Variants in AFF1 observed in about 807,000 individuals in gnomAD.
AFF1 encodes AF4/FMR2 family member 1.
Under a neutral mutation model 121.7 loss-of-function variants are expected in AFF1, and 48 were observed. The ratio of observed to expected loss-of-function variants is 0.39; its 90% CI spans 0.31 to 0.50. The LOEUF is 0.50. Among genes scored for constraint, AFF1 ranks in the 20% least tolerant of loss-of-function variants. The pLI is 0.76. For missense variants in AFF1, 1,523 were observed against 1,511.7 expected (o/e 1.01, Z -0.12); for synonymous variants, 613 against 563.0 (o/e 1.09, Z -1.26).
chr4:86,991,177 G>A (rs1162752696), intron 2 of AFF1, among the ~76,000 whole-genome samples: 3 of 152,098 alleles, frequency 2.0e-5, no homozygotes, highest in African/African-American at 7.2e-5. Flanking sequence ...CGGCGCAGTG[G>A]CTCACGCCTG....
At chr4:87,003,606 T>A (rs925049039) in intron 2 of AFF1, among the ~76,000 whole-genome samples, 1 of 152,240 alleles carries the variant, frequency 6.6e-6, no homozygotes, top group Non-Finnish European at 1.5e-5. Context: ...TCAAAAAGTA[T>A]AATTTTAATA....
intron 1 of AFF1, among the ~76,000 whole-genome samples, chr4:86,937,590 A>G (rs1720114688): frequency 6.6e-6 from 1 of 152,134 alleles, no homozygotes; most frequent in Admixed American, 6.5e-5. Context: ...AAGTCACTTT[A>G]TTTATTTTTG....
intron 13 of AFF1, 54 bp from the exon 14 acceptor site, chr4:87,126,045 G>A (rs1728206954): frequency 1.3e-6 from 2 of 1,545,360 alleles, no homozygotes; most frequent in Admixed American, 3.4e-5. Context: ...AAACAACGAA[G>A]CCGCTTGATG....
At chr4:87,044,080 T>G (rs974565177) in intron 2 of AFF1, among the ~76,000 whole-genome samples, 2 of 152,202 alleles carry the variant, frequency 1.3e-5, no homozygotes, top group Non-Finnish European at 2.9e-5. Flanking sequence ...CCTCCCAAAG[T>G]GCTGGGATTA....
chr4:87,102,725 G>A (rs1274566643), intron 8 of AFF1, among the ~76,000 whole-genome samples: 1 of 152,094 alleles, frequency 6.6e-6, no homozygotes, highest in African/African-American at 2.4e-5. Flanking sequence ...AAATTTATAG[G>A]TGAGAAAGAA....
intron 2 of AFF1, among the ~76,000 whole-genome samples, chr4:86,963,962 G>GTT (rs1651994779): frequency 1.0e-5 from 1 of 97,570 alleles, no homozygotes; most frequent in African/African-American, 4.8e-5. Flanking sequence ...TGACTAGACT[G>GTT]GTTTTTTTTT....
intron 13 of AFF1, 112 bp downstream of exon 13, chr4:87,125,255 A>G (rs1728120807): frequency 1.8e-5 from 12 of 674,978 alleles, no homozygotes; most frequent in East Asian, 2.9e-5. Flanking sequence ...AATAAACTCA[A>G]GCTCATTTGG....
chr4:87,137,892 T>G lies in AFF1; in HGVS notation c.*2191T>G. On this transcript the variant is annotated 3_prime_UTR_variant, in exon 21 of 21. Transcript: ENST00000395146. ...AAGGGTTGTGTTCTTTATGGCAGGT[T>G]CTATGCAGATTGTGCCAGAGCATGT... 1 of 232,100 alleles carries G rather than the reference T, an allele frequency of 4.3e-6. No individual in the cohort carries two copies. The highest frequency in any genetic ancestry group is 8.5e-6 in the Non-Finnish European group (1 of 117,308). The allele number at this position is 232,100 out of a possible 1,614,324, so 14.4% of individuals were successfully genotyped here. A position where few individuals can be genotyped will look rare whatever the true frequency, so the allele number is the denominator to read the frequency against.
Position 87,132,328 on chromosome 4 carries a change from A to G in AFF1, c.3231A>G (p.Ala1077=). The G allele has an allele frequency of 1.9e-6, 3 of 1,613,546 alleles. No individual in the cohort carries two copies. Among genetic ancestry groups the G allele is most frequent in the Non-Finnish European group, 2.5e-6 (3 of 1,179,862 alleles). The part of the protein sequence containing the change: ...MAMFRCKKDI[A]IKYSRTLNKH... ...TGTTTCGTTGTAAAAAAGACATAGC[A>G]ATAAAGTATTCTCGTACTCTTAATA... Residue 1077 remains alanine (A), a synonymous_variant, in exon 19 of 21, where the codon GCA becomes GCG. Coordinates refer to ENST00000395146, the MANE Select transcript of AFF1 (RefSeq NM_001166693.3).
intron 2 of AFF1, among the ~76,000 whole-genome samples, chr4:86,980,947 A>AACCCC (rs1723691095): frequency 9.8e-6 from 1 of 102,400 alleles, no homozygotes; most frequent in African/African-American, 3.5e-5. Flanking sequence ...GGCTTGAGGC[A>AACCCC]CCCCCCCCCT....
At chr4:87,118,198 G>A (rs891784687) in intron 12 of AFF1, among the ~76,000 whole-genome samples, 1 of 152,218 alleles carries the variant, frequency 6.6e-6, no homozygotes, top group African/African-American at 2.4e-5. Context: ...AAGATTTACA[G>A]ATCCTTGAAT....
intron 4 of AFF1, among the ~76,000 whole-genome samples, chr4:87,075,410 T>C (rs1222006126): frequency 6.6e-6 from 1 of 151,824 alleles, no homozygotes; most frequent in Non-Finnish European, 1.5e-5. Flanking sequence ...ATATATCTCC[T>C]ATCTACACGA....
intron 2 of AFF1, among the ~76,000 whole-genome samples, chr4:87,034,748 T>C (rs1372555915): frequency 6.6e-6 from 1 of 152,180 alleles, no homozygotes; most frequent in Non-Finnish European, 1.5e-5. Context: ...TCAGCCTGCC[T>C]TCTAGGTTTG....
intron 4 of AFF1, among the ~76,000 whole-genome samples, chr4:87,077,355 A>G (rs1352419259): frequency 6.6e-6 from 1 of 152,198 alleles, no homozygotes; most frequent in Non-Finnish European, 1.5e-5. Context: ...CAGAGCACCA[A>G]GGTGTAAGCT....
intron 4 of AFF1, among the ~76,000 whole-genome samples, chr4:87,063,227 TC>T (rs1720962323): frequency 8.2e-6 from 1 of 122,564 alleles, no homozygotes; most frequent in Non-Finnish European, 1.7e-5. Flanking sequence ...TAGATTCACC[TC>T]TTTTTTTTTT....
intron 3 of AFF1, 125 bp from the exon 4 acceptor site, chr4:87,046,570 C>T: frequency 9.2e-7 from 1 of 1,083,652 alleles, no homozygotes; most frequent in Non-Finnish European, 1.3e-6. Flanking sequence ...TAAAATGGCA[C>T]ATTAAATTCT....
At chr4:87,133,329 A>T (rs1244114470) in intron 19 of AFF1, among the ~76,000 whole-genome samples, 1 of 151,958 alleles carries the variant, frequency 6.6e-6, no homozygotes, top group Non-Finnish European at 1.5e-5. Context: ...ATTTGGTCAT[A>T]CTCCTTGTGA....
At chr4:87,004,516 T>C (rs1725948320) in intron 2 of AFF1, among the ~76,000 whole-genome samples, 1 of 152,222 alleles carries the variant, frequency 6.6e-6, no homozygotes, top group Non-Finnish European at 1.5e-5. Flanking sequence ...CAAATCTCTT[T>C]ACTGTCTGGC....
chr4:87,032,085 C>T lies in AFF1; in HGVS notation c.39-14081C>T, dbSNP rs1169899577. Among the ~76,000 whole-genome samples the T allele has an allele frequency of 2.0e-5, 3 of 152,286 alleles. No individual in the cohort carries two copies. In the East Asian group the frequency reaches 5.8e-4, roughly 29 times the overall value. Reference sequence around the variant, plus strand: ...ATCCTGACAAGCTTTGTAAGGCTCACAACACGGCTTAGCAGAGGTCAAATG... The same window carrying T: ...ATCCTGACAAGCTTTGTAAGGCTCATAACACGGCTTAGCAGAGGTCAAATG... On this transcript the variant is annotated intron_variant, in intron 2 of 20. Transcript: ENST00000395146.
Sources: allele counts gnomAD v4.1 joint callset (sites outside exome capture counted in the v4.1 genomes callset), GRCh38; gene constraint gnomAD v4.1.1; transcripts MANE v1.5; gene names NCBI Gene and HGNC (gene_info 2026-07-23, HGNC 2026-07-21).